The following GATAD2A variants were observed in gnomAD, a reference collection of about 807,000 sequenced individuals.
The protein encoded by GATAD2A is transcriptional repressor p66-alpha.
Under a neutral mutation model 68.5 loss-of-function variants are expected in GATAD2A, and 12 were observed. The observed-to-expected ratio is 0.18, with a 90% CI of 0.11 to 0.28. The LOEUF (loss-of-function observed/expected upper bound fraction) is 0.28, where lower values mean the gene tolerates loss of function less well. GATAD2A is among the 10% of genes least tolerant of loss of function. GATAD2A has a pLI of 1.00. For missense variants in GATAD2A, 755 were observed against 868.5 expected (o/e 0.87, Z 1.64); for synonymous variants, 410 against 375.3 (o/e 1.09, Z -1.07).
Position 19,505,449 on chromosome 19 carries a change from T to TC in GATAD2A, c.1885dup (p.Gln629ProfsTer27). 2 of 1,604,586 alleles carry TC rather than the reference T, an allele frequency of 1.2e-6. No homozygotes were observed. The highest frequency in any genetic ancestry group is 1.7e-6 in the Non-Finnish European group (2 of 1,175,386). On this transcript the variant is annotated frameshift_variant, in exon 12 of 12. Transcript: ENST00000683918. LOFTEE classifies it high-confidence loss of function. Reference sequence around the variant, plus strand: ...CTGGACATGATCCCACCCCGCTCCATCCCCCAGTCAGCCACGTGGAAATAG... The same window carrying TC: ...CTGGACATGATCCCACCCCGCTCCATCCCCCCAGTCAGCCACGTGGAAATAG...
chr19:19,487,590 C>T (rs1268326325), intron 2 of GATAD2A, among the ~76,000 whole-genome samples: 6 of 151,852 alleles, frequency 4.0e-5, no homozygotes, highest in Admixed American at 3.9e-4. Flanking sequence ...TCTGCTCAGA[C>T]CTGCACTCCC....
At chr19:19,406,764 A>G (rs886119770) in intron 1 of GATAD2A, among the ~76,000 whole-genome samples, 2 of 152,178 alleles carry the variant, frequency 1.3e-5, no homozygotes, top group Non-Finnish European at 2.9e-5. Context: ...CACTTCAACA[A>G]GGAAAGGCTT....
intron 2 of GATAD2A, among the ~76,000 whole-genome samples, chr19:19,474,958 C>T (rs765997885): frequency 1.3e-5 from 2 of 152,000 alleles, no homozygotes; most frequent in Non-Finnish European, 2.9e-5. Flanking sequence ...GATGGAAGCA[C>T]GAGGCCAGGC....
At chr19:19,410,337 G>A (rs1394769912) in intron 1 of GATAD2A, among the ~76,000 whole-genome samples, 3 of 151,972 alleles carry the variant, frequency 2.0e-5, no homozygotes, top group African/African-American at 7.3e-5. Context: ...TGGGGCAGGG[G>A]GTGGGGGATG....
At chr19:19,437,430 T>G (rs34647936) in intron 1 of GATAD2A, among the ~76,000 whole-genome samples, 29,797 of 152,202 alleles carry the variant, frequency 0.2, 3,121 homozygotes, top group South Asian at 0.35. Flanking sequence ...CAAAAAAATT[T>G]TTTGAGATAT....
intron 1 of GATAD2A, among the ~76,000 whole-genome samples, chr19:19,431,551 G>A (rs959980104): frequency 6.6e-5 from 10 of 151,474 alleles, no homozygotes; most frequent in African/African-American, 2.2e-4. Flanking sequence ...AAAATTAGCT[G>A]GGCGTGGTGG....
At chr19:19,482,721 G>A (rs2059143301) in intron 2 of GATAD2A, among the ~76,000 whole-genome samples, 1 of 152,190 alleles carries the variant, frequency 6.6e-6, no homozygotes, top group Admixed American at 6.5e-5. Context: ...CTCAGCAGGT[G>A]TTTACTGGGT....
At chr19:19,449,485 C>T (rs1488353078) in intron 1 of GATAD2A, among the ~76,000 whole-genome samples, 1 of 151,936 alleles carries the variant, frequency 6.6e-6, no homozygotes, top group African/African-American at 2.4e-5. Context: ...TGCCACGAGA[C>T]CTGGAAGGTT....
chr19:19,440,283 T>G, intron 1 of GATAD2A: 1 of 233,684 alleles, frequency 4.3e-6, no homozygotes, highest in Non-Finnish European at 8.3e-6. Context: ...TTTATTTATT[T>G]TTTTTGAGAT....
At position 19,492,328 on chromosome 19, in the gene GATAD2A, C is replaced by T. The variant is rs2059852605; in HGVS notation, c.292C>T (p.Pro98Ser). ...CAGTGACATGAAGTCCGAGAGGAGA[C>T]CCCCCTCACCTGACGTGATTGTGCT... is the stretch of plus-strand genomic sequence containing the variant. ...SHSDMKSERR[P>S]PSPDVIVLSD... Residue 98 changes from proline (P) to serine (S), a missense_variant, in exon 3 of 12, where the codon CCC (proline) becomes TCC (serine). Pro to Ser is a moderately conservative substitution (Grantham distance 74). Coordinates refer to ENST00000683918, the MANE Select transcript of GATAD2A (RefSeq NM_001384528.1). 4 of 1,606,358 alleles carry T rather than the reference C, an allele frequency of 2.5e-6. No individual in the cohort carries two copies. Among genetic ancestry groups the T allele is most frequent in the African/African-American group, 1.3e-5 (1 of 74,772 alleles).
rs772591609 is a variant in GATAD2A, at chr19:19,465,364, C to G, written c.19C>G (p.Arg7Gly). MTEEAC[R>G]TRSQKRALER... ...GTTCAGAATGACCGAAGAAGCATGC[C>G]GAACACGGAGTCAGAAACGAGCGCT... The change falls in exon 2 of 12, where the codon CGA (arginine) becomes GGA (glycine). Residue 7 changes from arginine (R) to glycine (G), a missense_variant. Transcript: ENST00000683918. 6.2e-7 allele frequency: 1 copy of G among 1,613,842 alleles called. No homozygotes were observed. Among genetic ancestry groups the G allele is most frequent in the Admixed American group, 1.7e-5 (1 of 60,024 alleles).
upstream of GATAD2A, among the ~76,000 whole-genome samples, chr19:19,401,161 A>G (rs1042658513): frequency 6.8e-5 from 10 of 147,602 alleles, no homozygotes; most frequent in Admixed American, 6.7e-4. Context: ...AAAAAAAAAA[A>G]GTAGTCAGTG....
At chr19:19,458,480 C>T (rs2057139069) in intron 1 of GATAD2A, 1 of 152,158 alleles carries the variant, frequency 6.6e-6, no homozygotes, top group Non-Finnish European at 1.5e-5. Context: ...ATACCAAGCC[C>T]ATACTGTTTG....
intron 2 of GATAD2A, among the ~76,000 whole-genome samples, chr19:19,484,859 T>C (rs1158651324): frequency 6.6e-6 from 1 of 152,170 alleles, no homozygotes; most frequent in Non-Finnish European, 1.5e-5. Context: ...TAGGAGTGTT[T>C]CTTGAAGGCA....
chr19:19,493,080 A>G (rs530408832), intron 4 of GATAD2A, among the ~76,000 whole-genome samples: 2 of 152,004 alleles, frequency 1.3e-5, no homozygotes, highest in South Asian at 4.2e-4. Context: ...AGCTGGGACT[A>G]CAGGCGCGTG....
intron 1 of GATAD2A, among the ~76,000 whole-genome samples, chr19:19,458,911 C>T (rs1198715245): frequency 1.3e-5 from 2 of 152,210 alleles, no homozygotes; most frequent in East Asian, 3.9e-4. Flanking sequence ...AGCTTCTCAC[C>T]CTAGGGAGCC....
chr19:19,387,471 C>T (rs991901323), intron 1 of GATAD2A, among the ~76,000 whole-genome samples: 1 of 152,080 alleles, frequency 6.6e-6, no homozygotes, highest in Admixed American at 6.5e-5. Context: ...AGGCACCCAC[C>T]ACCATGCCTG....
At chr19:19,471,148 T>C (rs908132328) in intron 2 of GATAD2A, among the ~76,000 whole-genome samples, 1 of 149,366 alleles carries the variant, frequency 6.7e-6, no homozygotes, top group Non-Finnish European at 1.5e-5. Context: ...CCCAGCTACG[T>C]GGGAGGCTGA....
In GATAD2A at chr19:19,508,704, G is replaced by A. The variant is rs1457643647; in HGVS notation, c.*3230G>A. Reference sequence around the variant, plus strand: ...ATTTTATAATCCTTAAAGTGTAATAGACGGTTACACTAGTGCAGGGTATTG... The same window carrying A: ...ATTTTATAATCCTTAAAGTGTAATAAACGGTTACACTAGTGCAGGGTATTG... On this transcript the variant is annotated 3_prime_UTR_variant, in exon 12 of 12. Transcript: ENST00000683918. The A allele has an allele frequency of 1.3e-5, 2 of 152,190 alleles. No individual in the cohort carries two copies. The highest frequency in any genetic ancestry group is 1.9e-4 in the East Asian group (1 of 5,202). The allele number at this position is 152,190 out of a possible 1,614,324, so 9.4% of individuals were successfully genotyped here.
Sources: allele counts gnomAD v4.1 joint callset (sites outside exome capture counted in the v4.1 genomes callset), GRCh38; gene constraint gnomAD v4.1.1; transcripts MANE v1.5; gene names NCBI Gene and HGNC (gene_info 2026-07-23, HGNC 2026-07-21).